TBL1XR1: variants seen among roughly 807,000 people sequenced by gnomAD.
TBL1XR1 encodes TBL1X/Y related 1.
In TBL1XR1, 5 loss-of-function variants were observed where a neutral mutation model predicts 66.9. The ratio of observed to expected loss-of-function variants is 0.07; its 90% CI spans 0.04 to 0.16. TBL1XR1 has a LOEUF of 0.16. TBL1XR1 is among the 10% of genes least tolerant of loss of function. TBL1XR1 has a pLI of 1.00. For missense variants in TBL1XR1, 238 were observed against 623.2 expected (o/e 0.38, Z 6.58); for synonymous variants, 210 against 206.0 (o/e 1.02, Z -0.17).
chr3:177,131,342 G>A (rs1198291915), intron 1 of TBL1XR1: 8 of 985,174 alleles, frequency 8.1e-6, no homozygotes, highest in Admixed American at 1.2e-4. Context: ...ATAGCAAGAT[G>A]GGAAAGAGAA....
chr3:177,089,440 G>A (rs1722557299), intron 2 of TBL1XR1, among the ~76,000 whole-genome samples: 1 of 152,098 alleles, frequency 6.6e-6, no homozygotes, highest in Admixed American at 6.5e-5. Flanking sequence ...CCCTTAGGTG[G>A]AAAAAGAGAC....
intron 1 of TBL1XR1, among the ~76,000 whole-genome samples, chr3:177,191,899 C>T (rs189585299): frequency 1.1e-4 from 16 of 146,636 alleles, no homozygotes; most frequent in Non-Finnish European, 1.1e-4. Context: ...TCGAGACCAG[C>T]CTGACCAACA....
At position 177,050,142 on chromosome 3, in the gene TBL1XR1, T is replaced by C; in HGVS notation, c.561-4A>G. ...TCTTGCTGTTGAGTCTCCAGACCTA[T>C]AAAAGTATGCAATATATTTTAGATC... On this transcript the variant is annotated splice_polypyrimidine_tract_variant and splice_region_variant and intron_variant, in intron 6 of 15. Transcript: ENST00000457928. The C allele has an allele frequency of 1.2e-6, 2 of 1,612,844 alleles. No individual in the cohort carries two copies. Among genetic ancestry groups the C allele is most frequent in the East Asian group, 2.2e-5 (1 of 44,864 alleles).
intron 2 of TBL1XR1, among the ~76,000 whole-genome samples, chr3:177,092,442 G>A (rs1722954122): frequency 6.6e-6 from 1 of 152,024 alleles, no homozygotes; most frequent in Non-Finnish European, 1.5e-5. Flanking sequence ...ACAAATAAAA[G>A]GGAAAAAATA....
At chr3:177,054,241 A>T (rs1301051652) in intron 3 of TBL1XR1, among the ~76,000 whole-genome samples, 5 of 152,234 alleles carry the variant, frequency 3.3e-5, no homozygotes, top group Admixed American at 3.3e-4. Flanking sequence ...GTAAAAGGTA[A>T]AACAAGTCTT....
intron 7 of TBL1XR1, among the ~76,000 whole-genome samples, chr3:177,048,992 T>C (rs983325402): frequency 2.0e-5 from 3 of 152,198 alleles, no homozygotes; most frequent in African/African-American, 7.2e-5. Context: ...ATCTTACAAG[T>C]AAATAATACT....
chr3:177,129,261 G>C (rs1446671860), intron 1 of TBL1XR1, among the ~76,000 whole-genome samples: 1 of 152,094 alleles, frequency 6.6e-6, no homozygotes, highest in Non-Finnish European at 1.5e-5. Flanking sequence ...TCATATCTGA[G>C]ACAATCAGCT....
chr3:177,181,256 G>C (rs759491686), intron 1 of TBL1XR1, among the ~76,000 whole-genome samples: 5 of 152,030 alleles, frequency 3.3e-5, no homozygotes, highest in African/African-American at 1.2e-4. Flanking sequence ...ACGGTGGGTG[G>C]ATCGCTTGAG....
chr3:177,157,297 G>A (rs1209669454), intron 1 of TBL1XR1, among the ~76,000 whole-genome samples: 3 of 152,190 alleles, frequency 2.0e-5, no homozygotes, highest in Admixed American at 6.5e-5. Context: ...GGAGGCACCA[G>A]CATTCCCTTG....
At chr3:177,131,315 C>T in intron 1 of TBL1XR1, 1 of 984,812 alleles carries the variant, frequency 1.0e-6, no homozygotes, top group Non-Finnish European at 1.2e-6. Flanking sequence ...AAGAGAGAGT[C>T]CAGGAAAAAT....
chr3:177,054,929 A>G lies in TBL1XR1; in HGVS notation c.59-1011T>C, dbSNP rs184913862. ...TATCTAGTCAAAATTCAAAGGTAAAATTCTAAGAAGCTGATAAACCAAGGG... is the reference window on the plus strand; with the variant it reads ...TATCTAGTCAAAATTCAAAGGTAAAGTTCTAAGAAGCTGATAAACCAAGGG... On this transcript the variant is annotated intron_variant, in intron 3 of 15. Coordinates refer to ENST00000457928, the MANE Select transcript of TBL1XR1 (RefSeq NM_024665.7). Among the ~76,000 whole-genome samples, 518 of 152,286 alleles carry G rather than the reference A, an allele frequency of 3.4e-3. 14 individuals are homozygous for G. Among genetic ancestry groups the G allele is most frequent in the Admixed American group, 0.032 (486 of 15,306 alleles).
chr3:177,082,757 T>TATATATATATATATATAC (rs1470171756), intron 2 of TBL1XR1, among the ~76,000 whole-genome samples: 2 of 128,438 alleles, frequency 1.6e-5, no homozygotes, highest in Non-Finnish European at 3.3e-5. Flanking sequence ...TATATATATA[T>TATATATATATATATATAC]ATATATATAT....
At chr3:177,177,014 AG>A in intron 1 of TBL1XR1, among the ~76,000 whole-genome samples, 1 of 152,290 alleles carries the variant, frequency 6.6e-6, no homozygotes, top group South Asian at 2.1e-4. Context: ...GGCTGTTGAC[AG>A]AGATTACTGG....
chr3:177,067,685 A>G (rs1407429364), intron 2 of TBL1XR1, among the ~76,000 whole-genome samples: 1 of 152,166 alleles, frequency 6.6e-6, no homozygotes, highest in East Asian at 1.9e-4. Context: ...GTGCTATATT[A>G]GTTCCCGGCA....
intron 3 of TBL1XR1, among the ~76,000 whole-genome samples, chr3:177,056,585 AAT>A (rs1717829936): frequency 6.6e-6 from 1 of 152,192 alleles, no homozygotes; most frequent in South Asian, 2.1e-4. Context: ...TTAAATGTTG[AAT>A]TCAACTAGAA....
At chr3:177,098,327 A>T in intron 2 of TBL1XR1, 139 bp downstream of exon 2, 4 of 263,096 alleles carry the variant, frequency 1.5e-5, no homozygotes, top group Non-Finnish European at 2.4e-5. Context: ...TAAAAAGAAT[A>T]AAAAATTTAA....
chr3:177,143,297 G>A (rs1280123198), intron 1 of TBL1XR1, among the ~76,000 whole-genome samples: 5 of 151,868 alleles, frequency 3.3e-5, no homozygotes, highest in African/African-American at 1.2e-4. Context: ...TAGGAGCGAT[G>A]CTCAGTATTT....
At position 177,023,593 on chromosome 3, in the gene TBL1XR1, A is replaced by G. The variant is rs953545701; in HGVS notation, c.*1905T>C. ...AGTCCCCACTAACAACAACTGGGGT[A>G]CATATAACAATGTATTGTGAAATTA... On this transcript the variant is annotated 3_prime_UTR_variant, in exon 16 of 16. Transcript: ENST00000457928. 6.6e-6 allele frequency: 1 copy of G among 152,574 alleles called. No homozygotes were observed. Among genetic ancestry groups the G allele is most frequent in the Non-Finnish European group, 1.5e-5 (1 of 67,970 alleles). The allele number at this position is 152,574 out of a possible 1,614,324, so 9.5% of individuals were successfully genotyped here.
At chr3:177,050,450 C>A (rs1354039816) in intron 6 of TBL1XR1, 28 bp downstream of exon 6, 2 of 1,610,082 alleles carry the variant, frequency 1.2e-6, no homozygotes, top group East Asian at 2.2e-5. Context: ...ATTTTTAAGT[C>A]ATTTTAGTAT....
Sources: gnomAD v4.1 joint callset for allele counts (sites outside exome capture counted in the v4.1 genomes callset) on GRCh38, gnomAD v4.1.1 for gene constraint, MANE v1.5 for transcripts, NCBI Gene and HGNC (gene_info 2026-07-23, HGNC 2026-07-21) for gene names.